Variants in OLA1 observed in about 807,000 individuals in gnomAD.
The protein encoded by OLA1 is Obg like ATPase 1.
A neutral mutation model predicts 48.4 loss-of-function variants in OLA1; 14 were observed. The ratio of observed to expected loss-of-function variants is 0.29; its 90% confidence interval spans 0.19 to 0.45. OLA1 has a LOEUF of 0.45. Among genes scored for constraint, OLA1 ranks in the 20% least tolerant of loss-of-function variants. OLA1 has a pLI of 1.00. For synonymous variants in OLA1, 127 were observed against 150.4 expected (o/e 0.84, Z 1.14); for missense variants, 325 against 467.1 (o/e 0.70, Z 2.80).
chr2:174,189,102 A>G (rs1687719830), intron 4 of OLA1, among the ~76,000 whole-genome samples: 1 of 152,206 alleles, frequency 6.6e-6, no homozygotes, highest in African/African-American at 2.4e-5. Flanking sequence ...CCATAAATAT[A>G]GACTTTTTAA....
At chr2:174,193,223 G>A (rs1277766149) in intron 4 of OLA1, among the ~76,000 whole-genome samples, 1 of 151,740 alleles carries the variant, frequency 6.6e-6, no homozygotes, top group African/African-American at 2.4e-5. Flanking sequence ...CCGAGTAGCT[G>A]GGATTATAGG....
At chr2:174,144,930 T>TAAAAAAAA (rs71021671) in intron 4 of OLA1, among the ~76,000 whole-genome samples, 9 of 41,114 alleles carry the variant, frequency 2.2e-4, no homozygotes, top group Admixed American at 1.3e-3. Context: ...AGACCCTGTT[T>TAAAAAAAA]AAAAAAAAAA....
At chr2:174,179,024 CTT>C (rs1211336691) in intron 4 of OLA1, among the ~76,000 whole-genome samples, 1 of 151,770 alleles carries the variant, frequency 6.6e-6, no homozygotes, top group African/African-American at 2.4e-5. Flanking sequence ...AGCTATATAA[CTT>C]ATATTAAAAC....
intron 7 of OLA1, among the ~76,000 whole-genome samples, chr2:174,105,154 G>A (rs1035734377): frequency 2.6e-5 from 4 of 151,242 alleles, no homozygotes; most frequent in Non-Finnish European, 5.9e-5. Flanking sequence ...TAACAGACAA[G>A]GTTTTTAATT....
At chr2:174,077,361 CAT>C (rs1265118632) in intron 10 of OLA1, among the ~76,000 whole-genome samples, 1 of 147,336 alleles carries the variant, frequency 6.8e-6, no homozygotes, top group African/African-American at 2.5e-5. Flanking sequence ...TACATACATA[CAT>C]ACACACACAT....
At chr2:174,145,945 A>G (rs1023585600) in intron 4 of OLA1, among the ~76,000 whole-genome samples, 2 of 152,228 alleles carry the variant, frequency 1.3e-5, no homozygotes, top group Admixed American at 6.5e-5. Flanking sequence ...TGTGCTGAGA[A>G]GAGTGAGGAG....
intron 4 of OLA1, among the ~76,000 whole-genome samples, chr2:174,144,951 A>AATATATAT (rs71021672): frequency 1.5e-3 from 59 of 40,286 alleles, no homozygotes; most frequent in East Asian, 5.8e-3. Flanking sequence ...AAAAAAAAAA[A>AATATATAT]ATATATATAT....
intron 5 of OLA1, among the ~76,000 whole-genome samples, chr2:174,137,903 T>C (rs1250165288): frequency 6.6e-6 from 1 of 152,218 alleles, no homozygotes. Context: ...GGTACACACC[T>C]ATAATCCCAG....
intron 5 of OLA1, among the ~76,000 whole-genome samples, chr2:174,138,575 T>C (rs948826250): frequency 2.0e-5 from 3 of 152,174 alleles, no homozygotes; most frequent in Non-Finnish European, 4.4e-5. Context: ...CACATGCTGT[T>C]GGAAAAATGG....
intron 2 of OLA1, among the ~76,000 whole-genome samples, chr2:174,238,494 CAAAAAAAAA>C (rs34395720): frequency 9.4e-6 from 1 of 106,686 alleles, no homozygotes; most frequent in African/African-American, 3.6e-5. Context: ...ACTCTATGTC[CAAAAAAAAA>C]AAAAAAAAAA....
chr2:174,116,937 T>C (rs1184724320), intron 7 of OLA1, among the ~76,000 whole-genome samples: 1 of 152,182 alleles, frequency 6.6e-6, no homozygotes, highest in Non-Finnish European at 1.5e-5. Context: ...TACTGTAACA[T>C]GATTTTACAT....
At chr2:174,075,571 C>T in intron 10 of OLA1, 44 bp from the exon 11 acceptor site, 1 of 1,158,728 alleles carries the variant, frequency 8.6e-7, no homozygotes, top group Non-Finnish European at 1.3e-6. Flanking sequence ...TAGTTTACAA[C>T]TAAATACATG....
At chr2:174,240,694 G>A (rs1688979625) in intron 2 of OLA1, among the ~76,000 whole-genome samples, 2 of 151,934 alleles carry the variant, frequency 1.3e-5, no homozygotes, top group Admixed American at 1.3e-4. Flanking sequence ...GTAGACATGG[G>A]AATCTGACTC....
At chr2:174,244,632 T>TC (rs1689087526) in intron 2 of OLA1, among the ~76,000 whole-genome samples, 1 of 152,004 alleles carries the variant, frequency 6.6e-6, no homozygotes, top group African/African-American at 2.4e-5. Context: ...AAAAAAAATT[T>TC]TTTTTTTTTG....
intron 7 of OLA1, among the ~76,000 whole-genome samples, chr2:174,085,372 A>G (rs1684945194): frequency 6.6e-6 from 1 of 152,164 alleles, no homozygotes; most frequent in Admixed American, 6.5e-5. Flanking sequence ...GCAGCATTAG[A>G]TTCTCACAGA....
intron 4 of OLA1, among the ~76,000 whole-genome samples, chr2:174,185,826 G>A (rs549199058): frequency 6.6e-6 from 1 of 152,216 alleles, no homozygotes; most frequent in African/African-American, 2.4e-5. Flanking sequence ...TACTTGGGAG[G>A]CTGAGACAGG....
chr2:174,099,583 C>T (rs980461989), intron 7 of OLA1, among the ~76,000 whole-genome samples: 2 of 152,278 alleles, frequency 1.3e-5, no homozygotes, highest in East Asian at 3.9e-4. Flanking sequence ...AAGACAAACA[C>T]CGATGAAACA....
chr2:174,100,674 T>C (rs1254144202), intron 7 of OLA1, among the ~76,000 whole-genome samples: 15 of 152,136 alleles, frequency 9.9e-5, no homozygotes, highest in Admixed American at 9.8e-4. Flanking sequence ...CAGAAAAAAA[T>C]ATTTTCTATT....
chr2:174,082,102 C>T, intron 7 of OLA1, 38 bp from the exon 8 acceptor site: 2 of 1,605,818 alleles, frequency 1.2e-6, no homozygotes, highest in Non-Finnish European at 1.7e-6. Flanking sequence ...TCTTGTAGTG[C>T]ATGCATGACT....
Sources: gnomAD v4.1 joint callset for allele counts (sites outside exome capture counted in the v4.1 genomes callset) on GRCh38, gnomAD v4.1.1 for gene constraint, MANE v1.5 for transcripts, NCBI Gene and HGNC (gene_info 2026-07-23, HGNC 2026-07-21) for gene names.